ZNF605: variants seen among roughly 807,000 people sequenced by gnomAD.
ZNF605 encodes zinc finger protein 605.
Under a neutral mutation model 7.9 loss-of-function variants are expected in ZNF605, and 9 were observed. That is an observed-to-expected ratio of 1.14 (90% confidence interval 0.68 to 1.98). ZNF605 has a LOEUF of 1.98. ZNF605 is among the 30% of genes most tolerant of loss of function. The probability of loss-of-function intolerance (pLI) is 0.00; values close to 1 mark genes in which losing one functional copy is unlikely to be tolerated. For missense variants in ZNF605, 673 were observed against 762.4 expected, an observed-to-expected ratio of 0.88 and a Z score of 1.38; for synonymous variants, 255 against 260.1, an observed-to-expected ratio of 0.98 and a Z score of 0.19.
intron 3 of ZNF605, among the ~76,000 whole-genome samples, chr12:132,934,618 A>G (rs1952343316): frequency 6.6e-6 from 1 of 151,236 alleles, no homozygotes; most frequent in African/African-American, 2.4e-5. Flanking sequence ...AGACAGGAGA[A>G]TAGCTTGAAC....
In ZNF605 at chr12:132,926,774, G is replaced by T; in HGVS notation, c.525C>A (p.Gly175=). Residue 175 remains glycine (G), a synonymous_variant, in exon 5 of 5, where the codon GGC becomes GGA. Transcript: ENST00000360187. ...GTTGTGACTTCTTGTTAAAAAATCT[G>T]CCACATTCCATGCATAAATAGACTC... The part of the protein sequence containing the change: ...HTGVYLCMEC[G]RFFNKKSQLV... 2 of 1,613,962 alleles carry T rather than the reference G, an allele frequency of 1.2e-6. No individual in the cohort carries two copies. Among genetic ancestry groups the T allele is most frequent in the Non-Finnish European group, 8.5e-7 (1 of 1,179,876 alleles).
chr12:132,929,030 A>G (rs140828516), intron 4 of ZNF605, among the ~76,000 whole-genome samples: 1 of 14,404 alleles, frequency 6.9e-5, no homozygotes, highest in South Asian at 0.014. Flanking sequence ...AAAACAAAAC[A>G]AAACAAAACA....
intron 1 of ZNF605, among the ~76,000 whole-genome samples, chr12:132,955,104 GA>G (rs1310154524): frequency 2.0e-5 from 3 of 152,096 alleles, no homozygotes; most frequent in Non-Finnish European, 2.9e-5. Context: ...TGGAAGTGGG[GA>G]AAAAAAGACG....
intron 2 of ZNF605, among the ~76,000 whole-genome samples, chr12:132,946,882 G>A (rs1284701175): frequency 1.3e-5 from 2 of 152,106 alleles, no homozygotes; most frequent in African/African-American, 4.8e-5. Context: ...AGACCACGTG[G>A]GGGAGCAGCT....
intron 1 of ZNF605, among the ~76,000 whole-genome samples, chr12:132,954,048 C>T (rs757685797): frequency 1.6e-4 from 25 of 151,894 alleles, no homozygotes; most frequent in Non-Finnish European, 3.5e-4. Flanking sequence ...ATAAAACTGT[C>T]CCCCATTCAA....
At chr12:132,944,740 C>T (rs1952480536) in intron 3 of ZNF605, 2 of 152,324 alleles carry the variant, frequency 1.3e-5, no homozygotes, top group African/African-American at 2.4e-5. Flanking sequence ...TTGTTTATTA[C>T]AAGGCTGCTA....
At chr12:132,955,734 A>C (rs1008178495) in intron 1 of ZNF605, among the ~76,000 whole-genome samples, 8 of 151,860 alleles carry the variant, frequency 5.3e-5, no homozygotes, top group Admixed American at 2.0e-4. Flanking sequence ...AAGCCTCATC[A>C]TTCACCCCGC....
chr12:132,952,446 G>C (rs1952582875), intron 1 of ZNF605, among the ~76,000 whole-genome samples: 1 of 121,678 alleles, frequency 8.2e-6, no homozygotes, highest in South Asian at 2.8e-4. Flanking sequence ...GGGCGACTCT[G>C]TCTCAAAAAA....
intron 1 of ZNF605, among the ~76,000 whole-genome samples, chr12:132,951,748 G>A (rs1016873084): frequency 2.6e-5 from 4 of 151,302 alleles, no homozygotes; most frequent in Non-Finnish European, 4.4e-5. Flanking sequence ...ACATACACAT[G>A]TACAACACAC....
intron 4 of ZNF605, among the ~76,000 whole-genome samples, chr12:132,930,617 A>C (rs1593583617): frequency 3.3e-5 from 5 of 152,294 alleles, no homozygotes. Flanking sequence ...GCACTTTAAC[A>C]CAAATGCTTC....
At chr12:132,929,171 G>A (rs1475816083) in intron 4 of ZNF605, among the ~76,000 whole-genome samples, 2 of 152,166 alleles carry the variant, frequency 1.3e-5, no homozygotes, top group Admixed American at 6.6e-5. Context: ...ACTTCAGGGG[G>A]CTGAGGTGGG....
At chr12:132,928,747 CACA>C (rs1470217533) in intron 4 of ZNF605, among the ~76,000 whole-genome samples, 2 of 152,192 alleles carry the variant, frequency 1.3e-5, no homozygotes, top group East Asian at 1.9e-4. Flanking sequence ...GGTGGCAGCT[CACA>C]ACAACAATCC....
chr12:132,949,855 T>C (rs980668262), intron 1 of ZNF605, among the ~76,000 whole-genome samples: 1 of 152,188 alleles, frequency 6.6e-6, no homozygotes, highest in African/African-American at 2.4e-5. Flanking sequence ...TGGCGCAGGC[T>C]TCGCCCGTTC....
intron 1 of ZNF605, among the ~76,000 whole-genome samples, chr12:132,951,836 C>A (rs958385284): frequency 1.3e-5 from 2 of 152,000 alleles, no homozygotes; most frequent in South Asian, 4.1e-4. Flanking sequence ...CACACATACA[C>A]ATACACGCAT....
intron 1 of ZNF605, among the ~76,000 whole-genome samples, chr12:132,953,618 G>A (rs1176676712): frequency 6.6e-6 from 1 of 151,992 alleles, no homozygotes; most frequent in African/African-American, 2.4e-5. Context: ...GTAGAGACGG[G>A]GTTTCACCAT....
chr12:132,943,156 A>G (rs1952461805), intron 3 of ZNF605, among the ~76,000 whole-genome samples: 1 of 151,966 alleles, frequency 6.6e-6, no homozygotes, highest in Non-Finnish European at 1.5e-5. Context: ...AGGTCAGGAA[A>G]TTGAGACCAT....
intron 3 of ZNF605, chr12:132,945,418 C>T (rs960795433): frequency 1.1e-5 from 15 of 1,368,992 alleles, no homozygotes; most frequent in East Asian, 4.6e-5. Context: ...GAGGATAAAC[C>T]GATAACCCAC....
chr12:132,929,605 GA>G (rs1399511129), intron 4 of ZNF605, among the ~76,000 whole-genome samples: 3 of 152,066 alleles, frequency 2.0e-5, no homozygotes, highest in African/African-American at 4.8e-5. Flanking sequence ...TGGGAAAAAA[GA>G]AAAACAATAC....
At chr12:132,945,340 T>C (rs1487546056) in intron 3 of ZNF605, 2 of 1,100,882 alleles carry the variant, frequency 1.8e-6, no homozygotes, top group East Asian at 4.7e-5. Flanking sequence ...TTTTCTCTTA[T>C]TTAAATGTAT....
Sources: allele counts gnomAD v4.1 joint callset (sites outside exome capture counted in the v4.1 genomes callset), GRCh38; gene constraint gnomAD v4.1.1; transcripts MANE v1.5; gene names NCBI Gene and HGNC (gene_info 2026-07-23, HGNC 2026-07-21).